PPP1R12A: variants seen among roughly 807,000 people sequenced by gnomAD.
The protein encoded by PPP1R12A is protein phosphatase 1 regulatory subunit 12A, also known as myosin binding subunit.
Under a neutral mutation model 139.6 loss-of-function variants are expected in PPP1R12A, and 19 were observed. The observed-to-expected ratio is 0.14, with a 90% CI of 0.09 to 0.20. The LOEUF (loss-of-function observed/expected upper bound fraction) is 0.20. PPP1R12A is among the 10% of genes least tolerant of loss of function. The pLI, the probability that PPP1R12A is intolerant of heterozygous loss-of-function variation, is 1.00. For missense variants in PPP1R12A, 925 were observed against 1,211.5 expected (o/e 0.76, Z 3.51); for synonymous variants, 427 against 420.6 (o/e 1.02, Z -0.19).
chr12:79,860,303 T>C (rs553492206), intron 2 of PPP1R12A, among the ~76,000 whole-genome samples: 66 of 152,244 alleles, frequency 4.3e-4, no homozygotes, highest in African/African-American at 1.5e-3. Context: ...TAACTTGCAA[T>C]AATACAAAAA....
intron 2 of PPP1R12A, among the ~76,000 whole-genome samples, chr12:79,854,132 G>T (rs1391076153): frequency 6.6e-6 from 1 of 152,154 alleles, no homozygotes; most frequent in Non-Finnish European, 1.5e-5. Flanking sequence ...AAAGCTTGCA[G>T]AATGCCTATC....
intron 2 of PPP1R12A, among the ~76,000 whole-genome samples, chr12:79,847,101 C>T (rs1879505618): frequency 6.6e-6 from 1 of 152,130 alleles, no homozygotes; most frequent in Non-Finnish European, 1.5e-5. Context: ...ATTATGTTCC[C>T]TCCCCCAGAG....
At chr12:79,790,250 G>C (rs955565398) in intron 20 of PPP1R12A, among the ~76,000 whole-genome samples, 1 of 152,208 alleles carries the variant, frequency 6.6e-6, no homozygotes, top group East Asian at 1.9e-4. Flanking sequence ...TACCTTTGTT[G>C]TAGAGATTTG....
intron 1 of PPP1R12A, among the ~76,000 whole-genome samples, chr12:79,901,833 A>G (rs1412296921): frequency 5.3e-5 from 8 of 152,214 alleles, no homozygotes; most frequent in African/African-American, 1.9e-4. Context: ...CGCTAATAGG[A>G]AAAGACAGGT....
At chr12:79,891,664 T>G (rs1884655767) in intron 1 of PPP1R12A, among the ~76,000 whole-genome samples, 1 of 152,180 alleles carries the variant, frequency 6.6e-6, no homozygotes, top group African/African-American at 2.4e-5. Flanking sequence ...CTTACAAACT[T>G]AATGAGACAG....
At chr12:79,888,776 T>C (rs934327825) in intron 1 of PPP1R12A, among the ~76,000 whole-genome samples, 2 of 152,166 alleles carry the variant, frequency 1.3e-5, no homozygotes, top group African/African-American at 4.8e-5. Flanking sequence ...ATTTAACAGA[T>C]GATAACTGGC....
chr12:79,905,351 C>T (rs1886017560), intron 1 of PPP1R12A, among the ~76,000 whole-genome samples: 2 of 105,534 alleles, frequency 1.9e-5, no homozygotes, highest in South Asian at 6.8e-4. Flanking sequence ...CCCCCCCCAC[C>T]CCTTTTTTTT....
At chr12:79,813,453 C>T (rs1026258647) in intron 9 of PPP1R12A, among the ~76,000 whole-genome samples, 1 of 152,280 alleles carries the variant, frequency 6.6e-6, no homozygotes, top group African/African-American at 2.4e-5. Flanking sequence ...CAGCACATAG[C>T]AGTCTTTTGT....
At chr12:79,927,904 A>G (rs1362878805) in intron 1 of PPP1R12A, among the ~76,000 whole-genome samples, 8 of 152,200 alleles carry the variant, frequency 5.3e-5, no homozygotes, top group Non-Finnish European at 8.8e-5. Context: ...CTTATTGTGG[A>G]GCCCCACAAA....
chr12:79,837,681 G>C (rs1364569782), intron 3 of PPP1R12A, among the ~76,000 whole-genome samples: 2 of 152,150 alleles, frequency 1.3e-5, no homozygotes, highest in Non-Finnish European at 2.9e-5. Context: ...TTGTGATAGT[G>C]AGTGAGTTCT....
chr12:79,933,604 C>A (rs573631914), intron 1 of PPP1R12A, among the ~76,000 whole-genome samples: 1 of 152,250 alleles, frequency 6.6e-6, no homozygotes, highest in Non-Finnish European at 1.5e-5. Context: ...CCAAGTTGCC[C>A]GCTAAGAAAA....
intron 2 of PPP1R12A, among the ~76,000 whole-genome samples, chr12:79,858,064 A>G (rs1184967673): frequency 6.6e-6 from 1 of 152,210 alleles, no homozygotes; most frequent in Non-Finnish European, 1.5e-5. Flanking sequence ...ACTTCTAATC[A>G]AAATACATGA....
chr12:79,898,171 C>T (rs560771104), intron 1 of PPP1R12A, among the ~76,000 whole-genome samples: 18 of 152,294 alleles, frequency 1.2e-4, no homozygotes, highest in East Asian at 1.9e-4. Context: ...AATAGCTGGC[C>T]GGGCGCGGTG....
chr12:79,828,164 A>G, intron 5 of PPP1R12A, 156 bp downstream of exon 5: 10 of 586,574 alleles, frequency 1.7e-5, no homozygotes, highest in Non-Finnish European at 2.6e-5. Flanking sequence ...ACCATTAATT[A>G]GTAAGTCAGT....
At chr12:79,879,382 A>C (rs1215817107) in intron 1 of PPP1R12A, among the ~76,000 whole-genome samples, 2 of 152,060 alleles carry the variant, frequency 1.3e-5, no homozygotes, top group Non-Finnish European at 1.5e-5. Context: ...AAAAGAAAAC[A>C]ACCAAATTGC....
In PPP1R12A at chr12:79,788,784, C is replaced by T. The variant is rs1458799563; in HGVS notation, c.2667-1G>A. 6.3e-7 allele frequency: 1 copy of T among 1,588,162 alleles called. No individual in the cohort carries two copies. The highest frequency in any genetic ancestry group is 8.6e-7 in the Non-Finnish European group (1 of 1,167,428). On this transcript the variant is annotated splice_acceptor_variant, in intron 20 of 24. Transcript: ENST00000450142. LOFTEE classifies it high-confidence loss of function. ...AGCTGATGTAGAACTGGTTTCATAT[C>T]TTCAAAAGATTAATTTAAATAAAAA... is the stretch of plus-strand genomic sequence containing the variant.
intron 1 of PPP1R12A, among the ~76,000 whole-genome samples, chr12:79,914,081 T>C (rs1038579241): frequency 2.0e-5 from 3 of 152,186 alleles, no homozygotes; most frequent in African/African-American, 7.2e-5. Flanking sequence ...ATAATATTTA[T>C]GTTGGAATGT....
In PPP1R12A at chr12:79,807,284, A is replaced by G; in HGVS notation, c.1597T>C (p.Trp533Arg). Residue 533 changes from tryptophan (W) to arginine (R), a missense_variant, in exon 12 of 25, where the codon TGG (tryptophan) becomes CGG (arginine). By Grantham distance (101) the Trp-to-Arg change is moderately radical. Transcript: ENST00000450142. ...CTATTTTTTTTAAGATCATCTTCCC[A>G]TTTTCTCCTTGTATATGAACTACTT... Reference protein sequence around the residue: ...RTSSSYTRRKWEDDLKKNSSV... With the variant: ...RTSSSYTRRKREDDLKKNSSV... 1.9e-6 allele frequency: 3 copies of G among 1,556,626 alleles called. No homozygotes were observed. Among genetic ancestry groups the G allele is most frequent in the Non-Finnish European group, 2.6e-6 (3 of 1,149,072 alleles).
At position 79,852,185 on chromosome 12, in the gene PPP1R12A, TTTTC is replaced by T. The variant is rs1178068851; in HGVS notation, c.369-6769_369-6766del. 3.0e-4 allele frequency among the ~76,000 whole-genome samples: 45 copies of T among 150,968 alleles called. No individual in the cohort carries two copies. In the South Asian group the frequency reaches 3.1e-3, roughly 11 times the overall value. ...GGTTCCTAGTATGACAATTTTTTCT[TTTTC>T]TTTCTTTTTTTTTTTTTTTGAGACA... On this transcript the variant is annotated intron_variant, in intron 2 of 24. Transcript: ENST00000450142.
Sources: allele counts gnomAD v4.1 joint callset (sites outside exome capture counted in the v4.1 genomes callset), GRCh38; gene constraint gnomAD v4.1.1; transcripts MANE v1.5; gene names NCBI Gene and HGNC (gene_info 2026-07-23, HGNC 2026-07-21).